Variants in HPSE2 observed in about 807,000 individuals in gnomAD.
HPSE2 encodes the protein inactive heparanase-2.
A neutral mutation model predicts 60.5 loss-of-function variants in HPSE2; 38 were observed. The ratio of observed to expected loss-of-function variants is 0.63; its 90% confidence interval spans 0.48 to 0.82. The LOEUF is 0.82. Among genes scored for constraint, HPSE2 ranks in the 40% least tolerant of loss-of-function variants. The probability of loss-of-function intolerance (pLI) is 0.00; values close to 1 mark genes in which losing one functional copy is unlikely to be tolerated. For synonymous variants in HPSE2, 295 were observed against 293.2 expected (o/e 1.01, Z -0.06); for missense variants, 713 against 740.4 (o/e 0.96, Z 0.43).
At chr10:98,972,005 G>C (rs563224932) in intron 3 of HPSE2, among the ~76,000 whole-genome samples, 3 of 151,860 alleles carry the variant, frequency 2.0e-5, no homozygotes, top group Non-Finnish European at 4.4e-5. Flanking sequence ...ACAAATCATT[G>C]TATCTATAGT....
chr10:99,011,754 C>CAAAAAAAAA (rs5787319), intron 3 of HPSE2, among the ~76,000 whole-genome samples: 1 of 93,082 alleles, frequency 1.1e-5, no homozygotes, highest in African/African-American at 4.5e-5. Flanking sequence ...GACTCCATCT[C>CAAAAAAAAA]AAAAAAAAAA....
chr10:98,905,384 C>T (rs1291339968), intron 3 of HPSE2, among the ~76,000 whole-genome samples: 1 of 147,618 alleles, frequency 6.8e-6, no homozygotes, highest in African/African-American at 2.5e-5. Flanking sequence ...TTGTTCAATT[C>T]CCACCCATGA....
chr10:99,067,318 GCTGCC>G, intron 3 of HPSE2, among the ~76,000 whole-genome samples: 1 of 152,280 alleles, frequency 6.6e-6, no homozygotes, highest in South Asian at 2.1e-4. Flanking sequence ...TCTTCTCACA[GCTGCC>G]CTATGCAGTG....
At chr10:98,637,048 T>G (rs565811041) in intron 7 of HPSE2, among the ~76,000 whole-genome samples, 1 of 152,320 alleles carries the variant, frequency 6.6e-6, no homozygotes, top group South Asian at 2.1e-4. Context: ...CATCTCCCAA[T>G]GTACACATGA....
At position 99,144,356 on chromosome 10, in the gene HPSE2, G is replaced by A. The variant is rs142763006; in HGVS notation, c.492C>T (p.Cys164=). The A allele has an allele frequency of 2.5e-6, 4 of 1,613,878 alleles. No homozygotes were observed. In the African/African-American group the frequency reaches 4.0e-5, roughly 16 times the overall value. ...SDVALDKQKG[C]KIAQHPDVML... is the part of the protein sequence containing the mutation. ...TAACATCAGGGTGCTGGGCAATCTT[G>A]CAGCCTTTCTGTTTATCTAAGGCAA... Residue 164 remains cysteine, a synonymous_variant, in exon 3 of 12, where the codon TGC becomes TGT. Transcript: ENST00000370552.
At chr10:99,184,522 CAAAAAAAAAAAAAAAA>C (rs200059066) in intron 2 of HPSE2, among the ~76,000 whole-genome samples, 12 of 60,766 alleles carry the variant, frequency 2.0e-4, no homozygotes, top group South Asian at 5.2e-4. Flanking sequence ...GAGACTGTCT[CAAAAAAAAAAAAAAAA>C]AAAAAAAAAA....
At chr10:98,463,702 G>A (rs1482520374) in intron 11 of HPSE2, among the ~76,000 whole-genome samples, 1 of 152,228 alleles carries the variant, frequency 6.6e-6, no homozygotes, top group Non-Finnish European at 1.5e-5. Flanking sequence ...CTACTTGGGA[G>A]GCTGAGGTGG....
intron 3 of HPSE2, among the ~76,000 whole-genome samples, chr10:99,002,674 C>T (rs1057056971): frequency 6.6e-6 from 1 of 151,964 alleles, no homozygotes; most frequent in Non-Finnish European, 1.5e-5. Context: ...AGATCCTGAA[C>T]AGAAAATGAA....
chr10:98,487,639 G>A (rs1941489833), intron 10 of HPSE2, among the ~76,000 whole-genome samples: 1 of 152,214 alleles, frequency 6.6e-6, no homozygotes, highest in Non-Finnish European at 1.5e-5. Context: ...TATTTTAATA[G>A]ACACTTTCTC....
intron 11 of HPSE2, among the ~76,000 whole-genome samples, chr10:98,469,582 A>G (rs995957485): frequency 1.3e-5 from 2 of 152,212 alleles, no homozygotes; most frequent in Non-Finnish European, 2.9e-5. Context: ...CACACCATAT[A>G]AAGATATTAC....
chr10:98,611,750 G>A (rs1483552947), intron 9 of HPSE2, among the ~76,000 whole-genome samples: 1 of 152,184 alleles, frequency 6.6e-6, no homozygotes, highest in Non-Finnish European at 1.5e-5. Flanking sequence ...CTTATAAGGT[G>A]CAGAATTTAT....
At chr10:98,793,628 A>G (rs1462314085) in intron 3 of HPSE2, among the ~76,000 whole-genome samples, 2 of 152,254 alleles carry the variant, frequency 1.3e-5, no homozygotes, top group African/African-American at 4.8e-5. Flanking sequence ...TAAGATAGTG[A>G]TAAGTCACAT....
At chr10:98,623,675 T>A (rs190975979) in intron 7 of HPSE2, among the ~76,000 whole-genome samples, 66 of 152,334 alleles carry the variant, frequency 4.3e-4, no homozygotes, top group Admixed American at 3.0e-3. Flanking sequence ...AATATCTTCA[T>A]CCACATTTAA....
chr10:98,899,272 T>A (rs371950049), intron 3 of HPSE2, among the ~76,000 whole-genome samples: 2 of 152,206 alleles, frequency 1.3e-5, no homozygotes, highest in African/African-American at 4.8e-5. Flanking sequence ...GGGCTCTAGA[T>A]AGAACAACAA....
At chr10:99,049,353 A>G (rs753865584) in intron 3 of HPSE2, among the ~76,000 whole-genome samples, 1 of 152,228 alleles carries the variant, frequency 6.6e-6, no homozygotes, top group Non-Finnish European at 1.5e-5. Context: ...CAGAAAAAAT[A>G]TTTGAAGAAA....
intron 2 of HPSE2, among the ~76,000 whole-genome samples, chr10:99,216,489 C>CT (rs397776941): frequency 2.6e-5 from 4 of 151,674 alleles, no homozygotes; most frequent in Admixed American, 6.6e-5. Flanking sequence ...GCCACTGCAC[C>CT]GGCCTAACCT....
chr10:98,694,450 A>G (rs1948158622), intron 5 of HPSE2, among the ~76,000 whole-genome samples: 1 of 152,224 alleles, frequency 6.6e-6, no homozygotes, highest in Admixed American at 6.5e-5. Flanking sequence ...CCCCAGTGAG[A>G]GGCTGCCACA....
intron 3 of HPSE2, among the ~76,000 whole-genome samples, chr10:98,801,867 A>T (rs1329636408): frequency 2.0e-5 from 3 of 152,180 alleles, no homozygotes; most frequent in Admixed American, 6.5e-5. Context: ...GGAACACAGA[A>T]GATCCAGAAT....
chr10:98,963,336 C>T (rs1003483476), intron 3 of HPSE2, among the ~76,000 whole-genome samples: 4 of 152,126 alleles, frequency 2.6e-5, no homozygotes, highest in Non-Finnish European at 5.9e-5. Context: ...AACTCTAATT[C>T]CCACACCTGC....
Sources: gnomAD v4.1 joint callset for allele counts (sites outside exome capture counted in the v4.1 genomes callset) on GRCh38, gnomAD v4.1.1 for gene constraint, MANE v1.5 for transcripts, NCBI Gene and HGNC (gene_info 2026-07-23, HGNC 2026-07-21) for gene names.